DTNB: variants seen among roughly 807,000 people sequenced by gnomAD.
The protein encoded by DTNB is DTN-B.
In DTNB, 63 loss-of-function variants were observed where a neutral mutation model predicts 90.7. The ratio of observed to expected loss-of-function variants is 0.69; its 90% CI spans 0.57 to 0.86. DTNB has a LOEUF of 0.86. DTNB is among the 40% of genes least tolerant of loss of function. The pLI is 0.00. For synonymous variants in DTNB, 277 were observed against 286.7 expected (o/e 0.97, Z 0.34); for missense variants, 744 against 807.1 (o/e 0.92, Z 0.95).
chr2:25,631,779 G>A (rs928616926), intron 3 of DTNB, among the ~76,000 whole-genome samples: 6 of 152,092 alleles, frequency 3.9e-5, no homozygotes, highest in Non-Finnish European at 7.4e-5. Context: ...AAAAAGTACA[G>A]ATACAGACAA....
intron 4 of DTNB, among the ~76,000 whole-genome samples, chr2:25,612,582 A>G (rs2068923743): frequency 6.6e-6 from 1 of 152,148 alleles, no homozygotes; most frequent in South Asian, 2.1e-4. Context: ...AAATAAGAGC[A>G]GAAATTAATG....
intron 16 of DTNB, among the ~76,000 whole-genome samples, chr2:25,395,000 G>C (rs1204291948): frequency 2.0e-5 from 3 of 152,160 alleles, no homozygotes; most frequent in South Asian, 2.1e-4. Context: ...ATCAATCAAT[G>C]AGTGGGTAAA....
intron 9 of DTNB, among the ~76,000 whole-genome samples, chr2:25,521,519 G>A (rs545057852): frequency 6.6e-6 from 1 of 151,812 alleles, no homozygotes; most frequent in Admixed American, 6.6e-5. Context: ...GAGTAGCTGA[G>A]ATTACAGGTG....
At chr2:25,602,938 C>A (rs146306742) in intron 5 of DTNB, among the ~76,000 whole-genome samples, 100 of 152,194 alleles carry the variant, frequency 6.6e-4, no homozygotes, top group Middle Eastern at 3.4e-3. Flanking sequence ...AAGATGTTTC[C>A]AGTTTTCATA....
At chr2:25,530,963 G>A (rs1180896148) in intron 9 of DTNB, among the ~76,000 whole-genome samples, 1 of 152,002 alleles carries the variant, frequency 6.6e-6, no homozygotes, top group East Asian at 1.9e-4. Context: ...TGCTTTACTA[G>A]CATGAATATT....
chr2:25,598,297 C>T (rs969401155), intron 5 of DTNB, among the ~76,000 whole-genome samples: 3 of 152,078 alleles, frequency 2.0e-5, no homozygotes, highest in Non-Finnish European at 2.9e-5. Context: ...ATAGAAATCA[C>T]TCTAGAATGG....
intron 19 of DTNB, 43 bp downstream of exon 19, chr2:25,383,793 G>A (rs773645238): frequency 1.2e-5 from 19 of 1,613,816 alleles, no homozygotes; most frequent in South Asian, 4.4e-5. Flanking sequence ...CCATGAGCTC[G>A]GGCTCCCCAT....
At chr2:25,572,080 T>A (rs1300627404) in intron 8 of DTNB, among the ~76,000 whole-genome samples, 1 of 152,136 alleles carries the variant, frequency 6.6e-6, no homozygotes, top group African/African-American at 2.4e-5. Flanking sequence ...TCCAATTCAG[T>A]CGGTGCATCC....
At chr2:25,434,095 T>C (rs930210583) in intron 12 of DTNB, 100 bp from the exon 13 acceptor site, 2 of 1,105,016 alleles carry the variant, frequency 1.8e-6, no homozygotes, top group Non-Finnish European at 1.3e-6. Context: ...TGACATATAA[T>C]TTACATATCA....
At chr2:25,406,065 T>C (rs1476449667) in intron 16 of DTNB, among the ~76,000 whole-genome samples, 1 of 151,920 alleles carries the variant, frequency 6.6e-6, no homozygotes, top group Non-Finnish European at 1.5e-5. Flanking sequence ...GGCAGGGATA[T>C]GGTGGGTGCT....
chr2:25,635,304 G>A (rs992683933), intron 3 of DTNB, among the ~76,000 whole-genome samples: 2 of 152,000 alleles, frequency 1.3e-5, no homozygotes, highest in Admixed American at 6.5e-5. Flanking sequence ...GGTGGCGGGC[G>A]CCTGTAGTTC....
chr2:25,645,767 G>C (rs988916135), intron 2 of DTNB, among the ~76,000 whole-genome samples: 1 of 152,006 alleles, frequency 6.6e-6, no homozygotes, highest in Admixed American at 6.6e-5. Context: ...ACTAAAAATG[G>C]TATAAATTTC....
At chr2:25,435,615 A>G (rs964789008) in intron 12 of DTNB, among the ~76,000 whole-genome samples, 1 of 152,234 alleles carries the variant, frequency 6.6e-6, no homozygotes, top group African/African-American at 2.4e-5. Flanking sequence ...ACATGGATAT[A>G]CCACTATTTG....
intron 3 of DTNB, 126 bp from the exon 4 acceptor site, chr2:25,628,510 G>T: frequency 1.1e-6 from 1 of 889,182 alleles, no homozygotes; most frequent in Non-Finnish European, 1.7e-6. Context: ...CCAACAATGA[G>T]GAAAACATTC....
intron 14 of DTNB, among the ~76,000 whole-genome samples, chr2:25,429,301 A>C (rs778643821): frequency 2.6e-5 from 4 of 152,164 alleles, no homozygotes; most frequent in Non-Finnish European, 5.9e-5. Flanking sequence ...AGGCTGTTAG[A>C]AATGTTTTGA....
At chr2:25,515,719 G>A (rs1020644237) in intron 9 of DTNB, among the ~76,000 whole-genome samples, 3 of 152,098 alleles carry the variant, frequency 2.0e-5, no homozygotes, top group African/African-American at 7.2e-5. Context: ...GGGATTACAG[G>A]AGCCCGCCAC....
intron 8 of DTNB, among the ~76,000 whole-genome samples, chr2:25,553,004 GCGCCCGCCACCA>G: frequency 6.6e-6 from 1 of 150,864 alleles, no homozygotes. Context: ...GGGACTACAG[GCGCCCGCCACCA>G]CGCCCGGCTA....
chr2:25,488,812 G>A (rs528522784), intron 9 of DTNB, among the ~76,000 whole-genome samples: 1 of 152,050 alleles, frequency 6.6e-6, no homozygotes, highest in Non-Finnish European at 1.5e-5. Context: ...CATCATGCCC[G>A]GCTAATTTTT....
At position 25,523,799 on chromosome 2, in the gene DTNB, C is replaced by T. The variant is rs572137436; in HGVS notation, c.1001+7674G>A. Among the ~76,000 whole-genome samples, 4 of 151,898 alleles carry T rather than the reference C, an allele frequency of 2.6e-5. No homozygotes were observed. In the South Asian group the frequency reaches 8.3e-4, roughly 31 times the overall value. ...TAATGCAGTGGTTCTGTAAACTGAT[C>T]AGATGTATTAGGGAACTTTTTCAAA... On this transcript the variant is annotated intron_variant, in intron 9 of 20. Coordinates refer to ENST00000406818, the MANE Select transcript of DTNB (RefSeq NM_021907.5).
Sources: allele counts gnomAD v4.1 joint callset (sites outside exome capture counted in the v4.1 genomes callset), GRCh38; gene constraint gnomAD v4.1.1; transcripts MANE v1.5; gene names NCBI Gene and HGNC (gene_info 2026-07-23, HGNC 2026-07-21).